H2BC17: variants seen among roughly 807,000 people sequenced by gnomAD.
H2BC17 encodes H2B clustered histone 17, also known as histone H2B type 1-O.
In H2BC17, 11 loss-of-function variants were observed where a neutral mutation model predicts 6.1. The ratio of observed to expected loss-of-function variants is 1.79; its 90% CI spans 1.13 to 2.97. H2BC17 has a LOEUF of 2.97. H2BC17 is among the 30% of genes most tolerant of loss of function. The pLI, the probability that H2BC17 is intolerant of heterozygous loss-of-function variation, is 0.00. For missense variants in H2BC17, 171 were observed against 171.6 expected, an observed-to-expected ratio of 1.00 and a Z score of 0.02; for synonymous variants, 103 against 74.5, an observed-to-expected ratio of 1.38 and a Z score of -1.97.
chr6:27,893,745 A>G lies in H2BC17; in HGVS notation c.283A>G (p.Ile95Val). 6.2e-7 allele frequency: 1 copy of G among 1,614,252 alleles called. No homozygotes were observed. The highest frequency in any genetic ancestry group is 8.5e-7 in the Non-Finnish European group (1 of 1,180,038). ...NKRSTITSRE[I>V]QTAVRLLLPG... ...GCGCTCGACCATCACCTCCAGGGAG[A>G]TCCAGACGGCCGTGCGCCTGCTGCT... Residue 95 changes from isoleucine to valine, a missense_variant, in exon 1 of 1, where the codon ATC (isoleucine) becomes GTC (valine). Coordinates refer to ENST00000616182, the MANE Select transcript of H2BC17 (RefSeq NM_003527.4).
In H2BC17 at chr6:27,893,761, G is replaced by A; in HGVS notation, c.299G>A (p.Arg100His). Residue 100 changes from arginine to histidine, a missense_variant, in exon 1 of 1, where the codon CGC (arginine) becomes CAC (histidine). Coordinates refer to ENST00000616182, the MANE Select transcript of H2BC17 (RefSeq NM_003527.4). ...ITSREIQTAV[R>H]LLLPGELAKH... is the part of the protein sequence containing the mutation. Reference sequence around the variant, plus strand: ...TCCAGGGAGATCCAGACGGCCGTGCGCCTGCTGCTGCCCGGGGAGCTGGCC... The same window carrying A: ...TCCAGGGAGATCCAGACGGCCGTGCACCTGCTGCTGCCCGGGGAGCTGGCC... 3 of 1,614,260 alleles carry A rather than the reference G, an allele frequency of 1.9e-6. No individual in the cohort carries two copies. The highest frequency in any genetic ancestry group is 1.3e-5 in the African/African-American group (1 of 75,072).
chr6:27,893,603 GCAAGTC>G lies in H2BC17; in HGVS notation c.144_149del (p.Gln48_Val49del). 1 of 1,614,234 alleles carries G rather than the reference GCAAGTC, an allele frequency of 6.2e-7. No individual in the cohort carries two copies. Among genetic ancestry groups the G allele is most frequent in the Non-Finnish European group, 8.5e-7 (1 of 1,180,044 alleles). ...CTATCTACGTGTACAAGGTGCTGAA[GCAAGTC>G]CACCCCGACACCGGCATCTCATCGA... On this transcript the variant is annotated inframe_deletion, in exon 1 of 1. Coordinates refer to ENST00000616182, the MANE Select transcript of H2BC17 (RefSeq NM_003527.4).
Position 27,893,569 on chromosome 6 carries a change from A to G in H2BC17, c.107A>G (p.Glu36Gly). ...DGKKRKRSRK[E>G]SYSIYVYKVL... ...AAGAAGCGCAAGCGCAGCCGCAAAG[A>G]GAGTTACTCTATCTACGTGTACAAG... is the stretch of plus-strand genomic sequence containing the variant. Residue 36 changes from glutamate (E) to glycine (G), a missense_variant, in exon 1 of 1, where the codon GAG becomes GGG. Physicochemically the swap from Glu to Gly is moderately conservative, Grantham distance 98. Coordinates refer to ENST00000616182, the MANE Select transcript of H2BC17 (RefSeq NM_003527.4). 1 of 1,614,230 alleles carries G rather than the reference A, an allele frequency of 6.2e-7. No individual in the cohort carries two copies. The highest frequency in any genetic ancestry group is 8.5e-7 in the Non-Finnish European group (1 of 1,180,046).
At position 27,893,540 on chromosome 6, in the gene H2BC17, C is replaced by G; in HGVS notation, c.78C>G (p.Asp26Glu). The change falls in exon 1 of 1, where the codon GAC (aspartate) becomes GAG (glutamate). Residue 26 changes from aspartate to glutamate, a missense_variant. Asp to Glu is a conservative substitution (Grantham distance 45). Transcript: ENST00000616182. ...CCGTAACCAAGGCCCAGAAAAAGGA[C>G]GGCAAGAAGCGCAAGCGCAGCCGCA... ...KKAVTKAQKKDGKKRKRSRKE... is the reference protein window; with the variant it reads ...KKAVTKAQKKEGKKRKRSRKE... 6.2e-7 allele frequency: 1 copy of G among 1,614,170 alleles called. No homozygotes were observed. The highest frequency in any genetic ancestry group is 8.5e-7 in the Non-Finnish European group (1 of 1,180,014).
Position 27,893,490 on chromosome 6 carries a change from G to GC in H2BC17, c.33dup (p.Lys12GlnfsTer58). The GC allele has an allele frequency of 9.3e-6, 15 of 1,611,024 alleles. No homozygotes were observed. Among genetic ancestry groups the GC allele is most frequent in the Non-Finnish European group, 1.3e-5 (15 of 1,178,626 alleles). On this transcript the variant is annotated frameshift_variant, in exon 1 of 1. Coordinates refer to ENST00000616182, the MANE Select transcript of H2BC17 (RefSeq NM_003527.4). LOFTEE classifies it high-confidence loss of function. ...GCCCGACCCGGCTAAATCTGCTCCT[G>GC]CCCCCAAAAAGGGCTCCAAGAAAGC...
rs773988349 is a variant in H2BC17, at chr6:27,893,515, C to T, written c.53C>T (p.Ala18Val). The stretch of plus-strand genomic sequence containing the variant: ...GCCCCCAAAAAGGGCTCCAAGAAAG[C>T]CGTAACCAAGGCCCAGAAAAAGGAC... ...APAPKKGSKKAVTKAQKKDGK... is the reference protein window; with the variant it reads ...APAPKKGSKKVVTKAQKKDGK... Residue 18 changes from alanine to valine, a missense_variant, in exon 1 of 1, where the codon GCC becomes GTC. Physicochemically the swap from Ala to Val is moderately conservative, Grantham distance 64 (BLOSUM62 0). Coordinates refer to ENST00000616182, the MANE Select transcript of H2BC17 (RefSeq NM_003527.4). 1.2e-6 allele frequency: 2 copies of T among 1,613,758 alleles called. No individual in the cohort carries two copies. Among genetic ancestry groups the T allele is most frequent in the Non-Finnish European group, 1.7e-6 (2 of 1,179,848 alleles).
chr6:27,893,705 G>A lies in H2BC17; in HGVS notation c.243G>A (p.Leu81=), dbSNP rs1183684018. 6.2e-7 allele frequency: 1 copy of A among 1,614,264 alleles called. No individual in the cohort carries two copies. Among genetic ancestry groups the A allele is most frequent in the Admixed American group, 1.7e-5 (1 of 60,032 alleles). The change falls in exon 1 of 1, where the codon CTG becomes CTA. Residue 81 remains leucine (L), a synonymous_variant. Transcript: ENST00000616182. ...FERIAGEASR[L]AHYNKRSTIT... Reference sequence around the variant, plus strand: ...GCATCGCTGGCGAGGCTTCCCGCCTGGCGCATTACAACAAGCGCTCGACCA... The same window carrying A: ...GCATCGCTGGCGAGGCTTCCCGCCTAGCGCATTACAACAAGCGCTCGACCA...
rs1260245224 is a variant in H2BC17, at chr6:27,893,887, C to T, written c.*44C>T. The T allele has an allele frequency of 3.1e-6, 5 of 1,611,030 alleles. No individual in the cohort carries two copies. The highest frequency in any genetic ancestry group is 3.4e-5 in the Admixed American group (2 of 59,170). On this transcript the variant is annotated 3_prime_UTR_variant, in exon 1 of 1. Coordinates refer to ENST00000616182, the MANE Select transcript of H2BC17 (RefSeq NM_003527.4). ...AATCCAAAGGCTCTTTTCAGAGCCA[C>T]TCACGCTTCCAGAGAAAGAGCCTGT...
Position 27,893,503 on chromosome 6 carries a change from G to C in H2BC17, c.41G>C (p.Gly14Ala), listed in dbSNP as rs1271200725. The change falls in exon 1 of 1, where the codon GGC becomes GCC. Residue 14 changes from glycine (G) to alanine (A), a missense_variant. By Grantham distance (60) the Gly-to-Ala change is moderately conservative. Transcript: ENST00000616182. ...AAATCTGCTCCTGCCCCCAAAAAGG[G>C]CTCCAAGAAAGCCGTAACCAAGGCC... Reference protein sequence around the residue: ...PAKSAPAPKKGSKKAVTKAQK... With the variant: ...PAKSAPAPKKASKKAVTKAQK... 1 of 1,612,880 alleles carries C rather than the reference G, an allele frequency of 6.2e-7. No individual in the cohort carries two copies. Among genetic ancestry groups the C allele is most frequent in the Admixed American group, 1.7e-5 (1 of 59,780 alleles).
chr6:27,893,428 C>G lies in H2BC17; in HGVS notation c.-35C>G, dbSNP rs750865612. The G allele has an allele frequency of 1.3e-6, 2 of 1,556,808 alleles. No homozygotes were observed. Among genetic ancestry groups the G allele is most frequent in the Non-Finnish European group, 1.7e-6 (2 of 1,155,788 alleles). Reference sequence around the variant, plus strand: ...GGGCATAACCCAGCTTGTCCTCATTCTTGTTATTTGAGTGCTCTTTCACTC... The same window carrying G: ...GGGCATAACCCAGCTTGTCCTCATTGTTGTTATTTGAGTGCTCTTTCACTC... On this transcript the variant is annotated 5_prime_UTR_variant, in exon 1 of 1. Coordinates refer to ENST00000616182, the MANE Select transcript of H2BC17 (RefSeq NM_003527.4).
rs1469525403 is a variant in H2BC17, at chr6:27,893,622, G to A, written c.160G>A (p.Gly54Ser). The change falls in exon 1 of 1, where the codon GGC becomes AGC. Residue 54 changes from glycine to serine, a missense_variant. Gly to Ser is a moderately conservative substitution (Grantham distance 56). Coordinates refer to ENST00000616182, the MANE Select transcript of H2BC17 (RefSeq NM_003527.4). ...GCTGAAGCAAGTCCACCCCGACACC[G>A]GCATCTCATCGAAGGCCATGGGCAT... Reference protein sequence around the residue: ...KVLKQVHPDTGISSKAMGIMN... With the variant: ...KVLKQVHPDTSISSKAMGIMN... The A allele has an allele frequency of 6.2e-7, 1 of 1,614,228 alleles. No homozygotes were observed. The highest frequency in any genetic ancestry group is 8.5e-7 in the Non-Finnish European group (1 of 1,180,046).
Position 27,893,774 on chromosome 6 carries a change from C to T in H2BC17, c.312C>T (p.Pro104=), listed in dbSNP as rs746675554. ...EIQTAVRLLL[P]GELAKHAVSE... is the part of the protein sequence containing the mutation. ...AGACGGCCGTGCGCCTGCTGCTGCC[C>T]GGGGAGCTGGCCAAGCACGCCGTGT... The change falls in exon 1 of 1, where the codon CCC becomes CCT. Residue 104 remains proline, a synonymous_variant. Transcript: ENST00000616182. 12 of 1,614,124 alleles carry T rather than the reference C, an allele frequency of 7.4e-6. No individual in the cohort carries two copies. The South Asian group carries it at 8.8e-5, about 12-fold the overall frequency.
Position 27,893,757 on chromosome 6 carries a change from G to T in H2BC17, c.295G>T (p.Val99Leu). ...TITSREIQTA[V>L]RLLLPGELAK... is the part of the protein sequence containing the mutation. ...CACCTCCAGGGAGATCCAGACGGCC[G>T]TGCGCCTGCTGCTGCCCGGGGAGCT... The change falls in exon 1 of 1, where the codon GTG becomes TTG. Residue 99 changes from valine to leucine, a missense_variant. Physicochemically the swap from Val to Leu is conservative, Grantham distance 32 (BLOSUM62 1). Transcript: ENST00000616182. 6.2e-7 allele frequency: 1 copy of T among 1,614,258 alleles called. No individual in the cohort carries two copies. Among genetic ancestry groups the T allele is most frequent in the East Asian group, 2.2e-5 (1 of 44,890 alleles).
At position 27,893,486 on chromosome 6, in the gene H2BC17, T is replaced by G. The variant is rs145423069; in HGVS notation, c.24T>G (p.Ala8=). MPDPAKS[A]PAPKKGSKKA... The stretch of plus-strand genomic sequence containing the variant: ...CCATGCCCGACCCGGCTAAATCTGC[T>G]CCTGCCCCCAAAAAGGGCTCCAAGA... Residue 8 remains alanine (A), a synonymous_variant, in exon 1 of 1, where the codon GCT becomes GCG. Coordinates refer to ENST00000616182, the MANE Select transcript of H2BC17 (RefSeq NM_003527.4). 133 of 1,610,812 alleles carry G rather than the reference T, an allele frequency of 8.3e-5. No individual in the cohort carries two copies. The African/African-American group carries it at 1.7e-3, about 21-fold the overall frequency.
chr6:27,893,587 T>G lies in H2BC17; in HGVS notation c.125T>G (p.Val42Gly). Residue 42 changes from valine to glycine, a missense_variant, in exon 1 of 1, where the codon GTG (valine) becomes GGG (glycine). Coordinates refer to ENST00000616182, the MANE Select transcript of H2BC17 (RefSeq NM_003527.4). ...CGCAAAGAGAGTTACTCTATCTACGTGTACAAGGTGCTGAAGCAAGTCCAC... is the reference window on the plus strand; with the variant it reads ...CGCAAAGAGAGTTACTCTATCTACGGGTACAAGGTGCTGAAGCAAGTCCAC... The part of the protein sequence containing the change: ...RSRKESYSIY[V>G]YKVLKQVHPD... The G allele has an allele frequency of 6.2e-7, 1 of 1,614,214 alleles. No homozygotes were observed. The highest frequency in any genetic ancestry group is 8.5e-7 in the Non-Finnish European group (1 of 1,180,050).
At position 27,893,871 on chromosome 6, in the gene H2BC17, G is replaced by T; in HGVS notation, c.*28G>T. On this transcript the variant is annotated 3_prime_UTR_variant, in exon 1 of 1. Coordinates refer to ENST00000616182, the MANE Select transcript of H2BC17 (RefSeq NM_003527.4). ...TCTCGCAGCTGCCAGCAATCCAAAG[G>T]CTCTTTTCAGAGCCACTCACGCTTC... is the stretch of plus-strand genomic sequence containing the variant. 6.2e-7 allele frequency: 1 copy of T among 1,613,806 alleles called. No individual in the cohort carries two copies. Among genetic ancestry groups the T allele is most frequent in the Non-Finnish European group, 8.5e-7 (1 of 1,179,928 alleles).
In H2BC17 at chr6:27,893,473, C is replaced by T. The variant is rs1204017611; in HGVS notation, c.11C>T (p.Pro4Leu). 11 of 1,604,548 alleles carry T rather than the reference C, an allele frequency of 6.9e-6. No individual in the cohort carries two copies. Among genetic ancestry groups the T allele is most frequent in the African/African-American group, 1.3e-5 (1 of 74,396 alleles). MPD[P>L]AKSAPAPKKG... ...TCACTCTCCTCCGCCATGCCCGACC[C>T]GGCTAAATCTGCTCCTGCCCCCAAA... Residue 4 changes from proline (P) to leucine (L), a missense_variant, in exon 1 of 1, where the codon CCG (proline) becomes CTG (leucine). Coordinates refer to ENST00000616182, the MANE Select transcript of H2BC17 (RefSeq NM_003527.4).
Position 27,893,665 on chromosome 6 carries a change from A to G in H2BC17, c.203A>G (p.Asn68Ser). 3.1e-6 allele frequency: 5 copies of G among 1,614,240 alleles called. No homozygotes were observed. Among genetic ancestry groups the G allele is most frequent in the Non-Finnish European group, 4.2e-6 (5 of 1,180,042 alleles). ...KAMGIMNSFV[N>S]DIFERIAGEA... Reference sequence around the variant, plus strand: ...ATGGGCATCATGAACTCCTTCGTCAATGACATCTTTGAGCGCATCGCTGGC... The same window carrying G: ...ATGGGCATCATGAACTCCTTCGTCAGTGACATCTTTGAGCGCATCGCTGGC... Residue 68 changes from asparagine to serine, a missense_variant, in exon 1 of 1, where the codon AAT (asparagine) becomes AGT (serine). By Grantham distance (46) the Asn-to-Ser change is conservative. Transcript: ENST00000616182.
chr6:27,893,526 G>C lies in H2BC17; in HGVS notation c.64G>C (p.Ala22Pro), dbSNP rs776960627. 4 of 1,614,040 alleles carry C rather than the reference G, an allele frequency of 2.5e-6. No homozygotes were observed. The highest frequency in any genetic ancestry group is 3.4e-6 in the Non-Finnish European group (4 of 1,179,970). ...GGGCTCCAAGAAAGCCGTAACCAAG[G>C]CCCAGAAAAAGGACGGCAAGAAGCG... is the stretch of plus-strand genomic sequence containing the variant. ...KKGSKKAVTK[A>P]QKKDGKKRKR... The change falls in exon 1 of 1, where the codon GCC becomes CCC. Residue 22 changes from alanine to proline, a missense_variant. Coordinates refer to ENST00000616182, the MANE Select transcript of H2BC17 (RefSeq NM_003527.4).
Sources: gnomAD v4.1 joint callset for allele counts on GRCh38, gnomAD v4.1.1 for gene constraint, MANE v1.5 for transcripts, NCBI Gene and HGNC (gene_info 2026-07-23, HGNC 2026-07-21) for gene names.